The following TMEM178B variants were observed in gnomAD, a reference collection of about 807,000 sequenced individuals.
TMEM178B encodes transmembrane protein 178B.
TMEM178B carries 5 observed loss-of-function variants against 31.0 expected under a neutral mutation model. The observed-to-expected ratio is 0.16, with a 90% confidence interval of 0.08 to 0.34. The LOEUF is 0.34. Ranked by LOEUF, TMEM178B falls within the 10% of genes least tolerant of loss-of-function variation. The probability of loss-of-function intolerance (pLI) is 1.00; values close to 1 mark genes in which losing one functional copy is unlikely to be tolerated. For missense variants in TMEM178B, 275 were observed against 400.3 expected, an observed-to-expected ratio of 0.69 and a Z score of 2.67; for synonymous variants, 164 against 164.0, an observed-to-expected ratio of 1.00 and a Z score of 0.00.
chr7:141,209,247 C>T (rs1797013494), intron 1 of TMEM178B, among the ~76,000 whole-genome samples: 1 of 152,138 alleles, frequency 6.6e-6, no homozygotes, highest in African/African-American at 2.4e-5. Flanking sequence ...ACCTAGTTGC[C>T]CCGGGGCTAC....
chr7:141,502,259 G>T, the TMEM178B span, among the ~76,000 whole-genome samples: 1 of 127,124 alleles, frequency 7.9e-6, no homozygotes, highest in East Asian at 1.9e-4. Flanking sequence ...TCCCAGTCTT[G>T]TCCCCACTCT....
intron 1 of TMEM178B, among the ~76,000 whole-genome samples, chr7:141,109,839 G>T (rs976381383): frequency 6.6e-6 from 1 of 152,116 alleles, no homozygotes; most frequent in African/African-American, 2.4e-5. Context: ...GCTTTGGGAG[G>T]CATAGGCAGG....
chr7:141,493,826 T>C, the TMEM178B span, among the ~76,000 whole-genome samples: 2 of 152,212 alleles, frequency 1.3e-5, no homozygotes, highest in Non-Finnish European at 2.9e-5. Flanking sequence ...CATTTTTCTC[T>C]AGAAATACAA....
At chr7:141,236,523 G>GCCTGCAGCCTCCAT (rs1797530090) in intron 2 of TMEM178B, among the ~76,000 whole-genome samples, 3 of 152,166 alleles carry the variant, frequency 2.0e-5, no homozygotes, top group Non-Finnish European at 2.9e-5. Context: ...CAAACCACCT[G>GCCTGCAGCCTCCAT]CCTGCAGCCT....
At chr7:141,186,771 GC>G (rs1378390547) in intron 1 of TMEM178B, among the ~76,000 whole-genome samples, 1 of 152,116 alleles carries the variant, frequency 6.6e-6, no homozygotes, top group East Asian at 1.9e-4. Flanking sequence ...ACGGTGAGTA[GC>G]CCCACCAGTG....
At chr7:141,273,313 G>A (rs1030508453) in intron 2 of TMEM178B, among the ~76,000 whole-genome samples, 1 of 152,146 alleles carries the variant, frequency 6.6e-6, no homozygotes, top group African/African-American at 2.4e-5. Context: ...AGCATAAGTG[G>A]TAATGGATGT....
intron 2 of TMEM178B, among the ~76,000 whole-genome samples, chr7:141,369,314 G>A (rs899435679): frequency 2.2e-5 from 3 of 133,606 alleles, no homozygotes; most frequent in African/African-American, 5.8e-5. Context: ...TCTCCGCGCC[G>A]ACGTGTGTGT....
At chr7:141,180,727 T>C (rs762009569) in intron 1 of TMEM178B, among the ~76,000 whole-genome samples, 1 of 152,166 alleles carries the variant, frequency 6.6e-6, no homozygotes, top group Non-Finnish European at 1.5e-5. Context: ...CTGAGGACAG[T>C]AGTGTCTCCA....
At chr7:141,340,644 C>T (rs993648573) in intron 2 of TMEM178B, among the ~76,000 whole-genome samples, 2 of 152,046 alleles carry the variant, frequency 1.3e-5, no homozygotes, top group Admixed American at 1.3e-4. Context: ...AGGAAAATAT[C>T]TAAGGAAAGC....
chr7:141,125,433 A>C lies in TMEM178B; in HGVS notation c.382+50741A>C, dbSNP rs1044334143. Among the ~76,000 whole-genome samples the C allele has an allele frequency of 4.6e-5, 7 of 152,126 alleles. No homozygotes were observed. The East Asian group carries it at 1.2e-3, about 25-fold the overall frequency. On this transcript the variant is annotated intron_variant, in intron 1 of 3. Coordinates refer to ENST00000565468, the MANE Select transcript of TMEM178B (RefSeq NM_001195278.2). Reference sequence around the variant, plus strand: ...TGTGGTGGCTCACACCTGTAATCCCAGCACTTTGGGAGGCCGAGGAGGGTG... The same window carrying C: ...TGTGGTGGCTCACACCTGTAATCCCCGCACTTTGGGAGGCCGAGGAGGGTG...
intron 1 of TMEM178B, among the ~76,000 whole-genome samples, chr7:141,079,457 A>T (rs185484813): frequency 6.6e-6 from 1 of 152,334 alleles, no homozygotes; most frequent in East Asian, 1.9e-4. Flanking sequence ...TATAGCCTCT[A>T]AAAGAACCAA....
At chr7:141,369,738 G>T (rs1800078445) in intron 2 of TMEM178B, among the ~76,000 whole-genome samples, 1 of 152,124 alleles carries the variant, frequency 6.6e-6, no homozygotes, top group Non-Finnish European at 1.5e-5. Context: ...GAATCCCAGT[G>T]GGTCATTCCT....
In TMEM178B at chr7:141,478,975, G is replaced by A. The variant is rs1006329109; in HGVS notation, c.*8189G>A. On this transcript the variant is annotated 3_prime_UTR_variant, in exon 4 of 4. Transcript: ENST00000565468. ...GTCGAGGCTGCTGTCTCAGCCTCTG[G>A]AAGTTCTGCTTCACCTGCTTAGTAA... 2 of 152,356 alleles carry A rather than the reference G, an allele frequency of 1.3e-5. No homozygotes were observed. The highest frequency in any genetic ancestry group is 4.8e-5 in the African/African-American group (2 of 41,580). 9.4% of individuals were successfully genotyped at this position (152,356 alleles called of 1,614,324 possible).
intron 3 of TMEM178B, among the ~76,000 whole-genome samples, chr7:141,465,630 C>G (rs940879006): frequency 6.6e-6 from 1 of 152,194 alleles, no homozygotes; most frequent in Non-Finnish European, 1.5e-5. Flanking sequence ...GTCCCTTTAT[C>G]GAGGATCTAC....
In TMEM178B at chr7:141,353,595, C is replaced by T. The variant is rs190171192; in HGVS notation, c.497-84013C>T. Among the ~76,000 whole-genome samples, 397 of 152,306 alleles carry T rather than the reference C, an allele frequency of 2.6e-3. 3 individuals are homozygous for T. Among genetic ancestry groups the T allele is most frequent in the African/African-American group, 8.6e-3 (359 of 41,550 alleles). On this transcript the variant is annotated intron_variant, in intron 2 of 3. Coordinates refer to ENST00000565468, the MANE Select transcript of TMEM178B (RefSeq NM_001195278.2). Reference sequence around the variant, plus strand: ...TAGAAGCTGTATATGATACTCAAAACATACACTATTACTGCTGTCTCTGAT... The same window carrying T: ...TAGAAGCTGTATATGATACTCAAAATATACACTATTACTGCTGTCTCTGAT...
At chr7:141,219,162 A>C (rs1261967046) in intron 2 of TMEM178B, among the ~76,000 whole-genome samples, 1 of 152,172 alleles carries the variant, frequency 6.6e-6, no homozygotes, top group Non-Finnish European at 1.5e-5. Context: ...GCTCCTTTGC[A>C]GATGAGGTAA....
chr7:141,114,900 T>A (rs1008837164), intron 1 of TMEM178B, among the ~76,000 whole-genome samples: 2 of 152,172 alleles, frequency 1.3e-5, no homozygotes, highest in African/African-American at 4.8e-5. Context: ...CTTTAGAATG[T>A]CTTGTATGGG....
chr7:141,166,103 C>T (rs1008339937), intron 1 of TMEM178B, among the ~76,000 whole-genome samples: 14 of 152,194 alleles, frequency 9.2e-5, no homozygotes, highest in Non-Finnish European at 1.9e-4. Flanking sequence ...TCAAAGACAA[C>T]CAGCAGCATT....
intron 2 of TMEM178B, among the ~76,000 whole-genome samples, chr7:141,368,201 C>G (rs915998589): frequency 9.2e-5 from 14 of 152,140 alleles, no homozygotes; most frequent in African/African-American, 2.9e-4. Flanking sequence ...TGCCTGTAAT[C>G]TCAGCTACTC....
Sources: gnomAD v4.1 joint callset for allele counts (sites outside exome capture counted in the v4.1 genomes callset) on GRCh38, gnomAD v4.1.1 for gene constraint, MANE v1.5 for transcripts, NCBI Gene and HGNC (gene_info 2026-07-23, HGNC 2026-07-21) for gene names.